Variants in MORC3 observed in about 807,000 individuals in gnomAD.
MORC3 encodes MORC family CW-type zinc finger protein 3.
Under a neutral mutation model 109.1 loss-of-function variants are expected in MORC3, and 31 were observed. The observed-to-expected ratio is 0.28, with a 90% CI of 0.21 to 0.38. The LOEUF (loss-of-function observed/expected upper bound fraction) is 0.38, where lower values mean the gene tolerates loss of function less well. Ranked by LOEUF, MORC3 falls within the 10% of genes least tolerant of loss-of-function variation. MORC3 has a pLI of 1.00. For missense variants in MORC3, 867 were observed against 1,135.8 expected (o/e 0.76, Z 3.40); for synonymous variants, 395 against 380.7 (o/e 1.04, Z -0.44).
At chr21:36,362,547 A>G (rs1283002423) in intron 13 of MORC3, among the ~76,000 whole-genome samples, 2 of 151,988 alleles carry the variant, frequency 1.3e-5, no homozygotes, top group African/African-American at 4.8e-5. Context: ...CCATCTCAAA[A>G]AATAAATAAA....
intron 4 of MORC3, 145 bp from the exon 5 acceptor site, chr21:36,338,629 A>C: frequency 1.3e-6 from 1 of 763,326 alleles, no homozygotes; most frequent in Non-Finnish European, 2.0e-6. Context: ...AGCCTAAGCA[A>C]TAGTGAGACC....
rs746048168 is a variant in MORC3 at position 36,372,407 on chromosome 21, C to T, written c.2542C>T (p.Arg848Cys). The change falls in exon 16 of 17, where the codon CGT (arginine) becomes TGT (cysteine). Residue 848 changes from arginine to cysteine, a missense_variant. Around this residue, in one of 7 missense-constraint regions of MORC3, gnomAD observed 486 missense variants for 502.1 expected, o/e 0.97. Coordinates refer to ENST00000400485, the MANE Select transcript of MORC3 (RefSeq NM_015358.3). ...ELLEMEKSQI[R>C]SQCEELKTEV... ...GCTGGAAATGGAAAAGTCACAAATC[C>T]GTTCACAGTGTGAAGAACTCAAAAC... 14 of 1,587,796 alleles carry T rather than the reference C, an allele frequency of 8.8e-6. No homozygotes were observed. The highest frequency in any genetic ancestry group is 4.5e-5 in the East Asian group (2 of 44,160).
rs117533159 is a variant in MORC3 at position 36,342,711 on chromosome 21, G to T, written c.756+1165G>T. Among the ~76,000 whole-genome samples the T allele has an allele frequency of 1.6e-4, 24 of 151,770 alleles. No homozygotes were observed. In the East Asian group the frequency reaches 4.6e-3, roughly 29 times the overall value. ...GAGCCTCTGCACCTGGTCAAAATGAGTATCTGTTTAAGATTAAAAGAAATG... is the reference window on the plus strand; with the variant it reads ...GAGCCTCTGCACCTGGTCAAAATGATTATCTGTTTAAGATTAAAAGAAATG... On this transcript the variant is annotated intron_variant, in intron 6 of 16. Coordinates refer to ENST00000400485, the MANE Select transcript of MORC3 (RefSeq NM_015358.3).
At chr21:36,322,245 A>G (rs2085202179) in intron 1 of MORC3, among the ~76,000 whole-genome samples, 1 of 151,520 alleles carries the variant, frequency 6.6e-6, no homozygotes, top group African/African-American at 2.4e-5. Context: ...GAATATAGCC[A>G]GAAACATTAT....
chr21:36,323,999 C>T (rs1235186137), intron 1 of MORC3, among the ~76,000 whole-genome samples: 1 of 152,002 alleles, frequency 6.6e-6, no homozygotes, highest in African/African-American at 2.4e-5. Flanking sequence ...CCTCAGCCTC[C>T]CGAGTAGCTG....
At chr21:36,341,902 C>G (rs181474295) in intron 6 of MORC3, among the ~76,000 whole-genome samples, 3 of 152,164 alleles carry the variant, frequency 2.0e-5, no homozygotes, top group Admixed American at 2.0e-4. Flanking sequence ...CAGACTAATT[C>G]AAAAAACAAC....
chr21:36,340,607 TTTTTCTTTCTTTTC>T (rs769804591), intron 5 of MORC3, among the ~76,000 whole-genome samples: 26 of 150,736 alleles, frequency 1.7e-4, no homozygotes, highest in African/African-American at 2.4e-4. Context: ...TTTTCTTTTT[TTTTTCTTTCTTTTC>T]TTTTCTTTCT....
chr21:36,339,023 A>T, intron 5 of MORC3, 102 bp downstream of exon 5: 4 of 1,319,302 alleles, frequency 3.0e-6, no homozygotes, highest in Non-Finnish European at 4.2e-6. Context: ...AATACATGGA[A>T]AGGTACTCAT....
Position 36,372,387 on chromosome 21 carries a change from A to T in MORC3, c.2522A>T (p.Glu841Val). ...TATTTTTGTTAGGTTGAATTGCTGG[A>T]AATGGAAAAGTCACAAATCCGTTCA... ...DQYKSEVELL[E>V]MEKSQIRSQC... The change falls in exon 16 of 17, where the codon GAA becomes GTA. Residue 841 changes from glutamate to valine, a missense_variant. Around this residue, in one of 7 missense-constraint regions of MORC3, gnomAD observed 486 missense variants for 502.1 expected, o/e 0.97. Transcript: ENST00000400485. The T allele has an allele frequency of 1.3e-6, 2 of 1,570,706 alleles. No individual in the cohort carries two copies. The highest frequency in any genetic ancestry group is 1.7e-6 in the Non-Finnish European group (2 of 1,166,358).
At chr21:36,362,498 G>T (rs116438467) in intron 13 of MORC3, among the ~76,000 whole-genome samples, 3,948 of 152,018 alleles carry the variant, frequency 0.026, 157 homozygotes, top group African/African-American at 0.087. Context: ...AGAAAGATTG[G>T]TACCATTGCA....
At position 36,369,071 on chromosome 21, in the gene MORC3, A is replaced by T. The variant is rs753371900; in HGVS notation, c.1703A>T (p.Tyr568Phe). ...RLSSQFENSV[Y>F]KGDDDDEDVI... ...AGTAGTCAGTTTGAAAATTCAGTTT[A>T]TAAAGGTGATGATGATGATGAAGAT... Residue 568 changes from tyrosine (Y) to phenylalanine (F), a missense_variant, in exon 15 of 17, where the codon TAT becomes TTT. Tyr to Phe is a conservative substitution (Grantham distance 22). Transcript: ENST00000400485. 1.2e-6 allele frequency: 2 copies of T among 1,614,202 alleles called. No homozygotes were observed. The highest frequency in any genetic ancestry group is 4.5e-5 in the East Asian group (2 of 44,892).
At chr21:36,359,556 C>CTTTTTTTTTTTTTTTTT (rs5843757) in intron 10 of MORC3, among the ~76,000 whole-genome samples, 4 of 93,936 alleles carry the variant, frequency 4.3e-5, no homozygotes, top group Non-Finnish European at 5.6e-5. Flanking sequence ...CTTTCCTCTC[C>CTTTTTTTTTTTTTTTTT]TTTTTTTTTT....
At chr21:36,321,833 C>T (rs1234916803) in intron 1 of MORC3, among the ~76,000 whole-genome samples, 1 of 152,160 alleles carries the variant, frequency 6.6e-6, no homozygotes, top group African/African-American at 2.4e-5. Context: ...TGATTCTCTT[C>T]TCCCTTCCCG....
At chr21:36,327,155 C>CTTTTTTTTTT (rs71326674) in intron 1 of MORC3, among the ~76,000 whole-genome samples, 5 of 81,946 alleles carry the variant, frequency 6.1e-5, no homozygotes, top group East Asian at 8.6e-4. Context: ...GGCTTTATTT[C>CTTTTTTTTTT]TTTTTTTTTT....
rs931319175 is a variant in MORC3 at position 36,338,941 on chromosome 21, T to C, written c.608+20T>C. 2 of 1,611,788 alleles carry C rather than the reference T, an allele frequency of 1.2e-6. No individual in the cohort carries two copies. Among genetic ancestry groups the C allele is most frequent in the African/African-American group, 2.7e-5 (2 of 74,890 alleles). ...TAGAAGGTAAACGTGGACATAGATG[T>C]TGACCGTTTGGGAAGTAAAGTGCAC... On this transcript the variant is annotated intron_variant, in intron 5 of 16. Transcript: ENST00000400485.
At chr21:36,340,659 G>C (rs2085434467) in intron 5 of MORC3, among the ~76,000 whole-genome samples, 1 of 87,712 alleles carries the variant, frequency 1.1e-5, no homozygotes, top group Non-Finnish European at 2.2e-5. Flanking sequence ...TTTTGAGATA[G>C]CGTTTTGCTC....
intron 8 of MORC3, among the ~76,000 whole-genome samples, chr21:36,346,082 G>A (rs1251254550): frequency 6.6e-6 from 1 of 152,152 alleles, no homozygotes; most frequent in Non-Finnish European, 1.5e-5. Flanking sequence ...GTGCAGTGGT[G>A]TGATCTCAGC....
At chr21:36,373,017 C>T (rs1002866171) in intron 16 of MORC3, among the ~76,000 whole-genome samples, 1 of 152,116 alleles carries the variant, frequency 6.6e-6, no homozygotes, top group Non-Finnish European at 1.5e-5. Context: ...TGCCATAGTA[C>T]AGATGATATT....
chr21:36,336,155 T>A (rs547821227), intron 2 of MORC3, among the ~76,000 whole-genome samples: 1 of 151,348 alleles, frequency 6.6e-6, no homozygotes, highest in Admixed American at 6.6e-5. Context: ...GGTCTCAAAC[T>A]CCTGACCTCA....
Sources: gnomAD v4.1 joint callset for allele counts (sites outside exome capture counted in the v4.1 genomes callset) on GRCh38, gnomAD v4.1.1 for gene constraint, gnomAD v4.1.1 regional missense constraint, MANE v1.5 for transcripts, NCBI Gene and HGNC (gene_info 2026-07-23, HGNC 2026-07-21) for gene names.